The following KCNIP4 variants were observed in gnomAD, a reference collection of about 807,000 sequenced individuals.
KCNIP4 encodes potassium voltage-gated channel interacting protein 4, also known as Kv channel-interacting protein 4.
KCNIP4 carries 12 observed loss-of-function variants against 34.0 expected under a neutral mutation model. The ratio of observed to expected loss-of-function variants is 0.35; its 90% CI spans 0.23 to 0.57. The LOEUF is 0.57. Ranked by LOEUF, KCNIP4 falls within the 20% of genes least tolerant of loss-of-function variation. KCNIP4 has a pLI of 0.83. For synonymous variants in KCNIP4, 124 were observed against 102.2 expected (o/e 1.21, Z -1.29); for missense variants, 238 against 311.7 (o/e 0.76, Z 1.78).
intron 1 of KCNIP4, among the ~76,000 whole-genome samples, chr4:21,542,028 G>A (rs1002476937): frequency 6.6e-6 from 1 of 152,102 alleles, no homozygotes; most frequent in African/African-American, 2.4e-5. Context: ...TCTATGGCAC[G>A]CTTTCTTTCA....
At chr4:20,979,162 T>TA (rs1385555053) in intron 1 of KCNIP4, among the ~76,000 whole-genome samples, 11 of 152,154 alleles carry the variant, frequency 7.2e-5, no homozygotes, top group Admixed American at 2.6e-4. Context: ...TCTTTTCTCA[T>TA]AAAAAAGATA....
At chr4:21,443,787 G>T (rs190402017) in intron 1 of KCNIP4, among the ~76,000 whole-genome samples, 22 of 152,234 alleles carry the variant, frequency 1.4e-4, no homozygotes, top group Admixed American at 2.0e-4. Flanking sequence ...CACAAGATTA[G>T]CTGGGCATAG....
At chr4:21,140,144 A>G (rs1751831590) in intron 1 of KCNIP4, among the ~76,000 whole-genome samples, 1 of 152,164 alleles carries the variant, frequency 6.6e-6, no homozygotes, top group African/African-American at 2.4e-5. Context: ...TCTTTTATTT[A>G]TTACAGGCAG....
At chr4:21,062,066 G>A (rs1378797874) in intron 1 of KCNIP4, among the ~76,000 whole-genome samples, 1 of 152,104 alleles carries the variant, frequency 6.6e-6, no homozygotes, top group Admixed American at 6.6e-5. Context: ...CCAATATGTG[G>A]TACGTTGCTA....
intron 1 of KCNIP4, among the ~76,000 whole-genome samples, chr4:21,770,126 T>C (rs1718681335): frequency 6.6e-6 from 1 of 151,636 alleles, no homozygotes; most frequent in East Asian, 2.0e-4. Flanking sequence ...CCTCACCCCC[T>C]AACCCCCAAC....
chr4:21,811,830 G>T (rs1159266241), intron 1 of KCNIP4, among the ~76,000 whole-genome samples: 2 of 152,186 alleles, frequency 1.3e-5, no homozygotes, highest in East Asian at 1.9e-4. Flanking sequence ...CAAGAAAGCT[G>T]CAAAATGTGT....
At chr4:21,212,610 A>G (rs968846090) in intron 1 of KCNIP4, among the ~76,000 whole-genome samples, 3 of 152,158 alleles carry the variant, frequency 2.0e-5, no homozygotes, top group Non-Finnish European at 4.4e-5. Context: ...ACAAGCTAGG[A>G]AGTCCAAGAT....
chr4:21,469,105 C>A (rs1285841770), intron 1 of KCNIP4, among the ~76,000 whole-genome samples: 1 of 152,044 alleles, frequency 6.6e-6, no homozygotes, highest in Non-Finnish European at 1.5e-5. Flanking sequence ...CACTCTGTCT[C>A]CCAGGCTGGG....
chr4:21,768,476 AAG>A (rs1718567835), intron 1 of KCNIP4, among the ~76,000 whole-genome samples: 1 of 152,136 alleles, frequency 6.6e-6, no homozygotes, highest in Non-Finnish European at 1.5e-5. Context: ...ATCAAGGAAA[AAG>A]AGAAATGCTT....
At chr4:21,833,247 C>A (rs946944823) in intron 1 of KCNIP4, among the ~76,000 whole-genome samples, 7 of 151,644 alleles carry the variant, frequency 4.6e-5, no homozygotes, top group African/African-American at 1.5e-4. Flanking sequence ...TCCTCTCCAG[C>A]ACCTGTTGTT....
chr4:21,124,032 CAAAAAAACAACAAA>C (rs773676558), intron 1 of KCNIP4, among the ~76,000 whole-genome samples: 22 of 126,162 alleles, frequency 1.7e-4, no homozygotes, highest in Non-Finnish European at 3.3e-4. Flanking sequence ...TGTAAAAAAA[CAAAAAAACAACAAA>C]AAAAAAACAA....
chr4:20,864,815 G>A (rs1268175639), intron 2 of KCNIP4, among the ~76,000 whole-genome samples: 1 of 152,062 alleles, frequency 6.6e-6, no homozygotes, highest in African/African-American at 2.4e-5. Context: ...GCATATCAGT[G>A]GCAGAACTGG....
At chr4:21,780,367 C>T (rs1719500678) in intron 1 of KCNIP4, among the ~76,000 whole-genome samples, 1 of 152,090 alleles carries the variant, frequency 6.6e-6, no homozygotes, top group Non-Finnish European at 1.5e-5. Context: ...GCTTGAAAGT[C>T]CCATGAATAA....
intron 1 of KCNIP4, among the ~76,000 whole-genome samples, chr4:21,369,920 C>T (rs1275168202): frequency 1.4e-5 from 2 of 145,378 alleles, no homozygotes; most frequent in South Asian, 2.1e-4. Context: ...CTCTGCCTCC[C>T]GGGTTCACAC....
At chr4:21,317,828 T>C (rs1713945889) in intron 1 of KCNIP4, among the ~76,000 whole-genome samples, 1 of 152,158 alleles carries the variant, frequency 6.6e-6, no homozygotes, top group Non-Finnish European at 1.5e-5. Flanking sequence ...CTGATGTTTT[T>C]AAAAACAGGA....
intron 1 of KCNIP4, among the ~76,000 whole-genome samples, chr4:21,400,138 A>G (rs1367537408): frequency 1.3e-5 from 2 of 152,212 alleles, no homozygotes; most frequent in African/African-American, 4.8e-5. Context: ...CTCTATGTCA[A>G]TCATGACCCA....
At chr4:21,831,938 T>TA (rs1723013357) in intron 1 of KCNIP4, among the ~76,000 whole-genome samples, 1 of 151,876 alleles carries the variant, frequency 6.6e-6, no homozygotes, top group African/African-American at 2.4e-5. Flanking sequence ...AATGGCACAT[T>TA]AAAAAGATCA....
intron 1 of KCNIP4, among the ~76,000 whole-genome samples, chr4:21,333,924 T>A (rs1017482672): frequency 6.6e-5 from 10 of 152,138 alleles, no homozygotes; most frequent in African/African-American, 2.4e-4. Flanking sequence ...ATACCACTAC[T>A]CTATCATAGC....
chr4:20,817,434 G>C (rs965011091), intron 3 of KCNIP4, among the ~76,000 whole-genome samples: 3 of 152,218 alleles, frequency 2.0e-5, no homozygotes, highest in Middle Eastern at 3.4e-3. Flanking sequence ...CATCCTGCTA[G>C]GCATGGTCAT....
Sources: gnomAD v4.1 joint callset for allele counts (sites outside exome capture counted in the v4.1 genomes callset) on GRCh38, gnomAD v4.1.1 for gene constraint, MANE v1.5 for transcripts, NCBI Gene and HGNC (gene_info 2026-07-23, HGNC 2026-07-21) for gene names.